STARD13: variants seen among roughly 807,000 people sequenced by gnomAD.
STARD13 encodes StAR related lipid transfer domain containing 13.
A neutral mutation model predicts 106.4 loss-of-function variants in STARD13; 62 were observed. The observed-to-expected ratio is 0.58, with a 90% CI of 0.48 to 0.72. The LOEUF (loss-of-function observed/expected upper bound fraction) is 0.72, where lower values mean the gene tolerates loss of function less well. STARD13 is among the 30% of genes least tolerant of loss of function. The pLI is 0.00. For synonymous variants in STARD13, 565 were observed against 553.0 expected, an observed-to-expected ratio of 1.02 and a Z score of -0.31; for missense variants, 1,387 against 1,424.0, an observed-to-expected ratio of 0.97 and a Z score of 0.42.
At chr13:33,277,540 C>T (rs1170240479) in intron 1 of STARD13, 1 of 152,184 alleles carries the variant, frequency 6.6e-6, no homozygotes, top group Admixed American at 6.6e-5. Context: ...TATCCCATGT[C>T]ACCCACGGCA....
At chr13:33,537,492 C>T in the STARD13 span, among the ~76,000 whole-genome samples, 2 of 152,142 alleles carry the variant, frequency 1.3e-5, no homozygotes, top group South Asian at 2.1e-4. Context: ...AACTGAGGCT[C>T]AGAAAAGTTA....
At chr13:33,352,067 A>G (rs1250182916), upstream of STARD13, among the ~76,000 whole-genome samples, 2 of 152,244 alleles carry the variant, frequency 1.3e-5, no homozygotes, top group East Asian at 3.8e-4. Flanking sequence ...AAGTAATGAG[A>G]TACTTTTTTT....
At chr13:33,221,443 T>C (rs561628740) in intron 1 of STARD13, among the ~76,000 whole-genome samples, 24 of 152,338 alleles carry the variant, frequency 1.6e-4, no homozygotes, top group Admixed American at 1.4e-3. Flanking sequence ...TCATAAACTT[T>C]TGCAACTTAT....
At chr13:33,333,352 C>T (rs2077859312) in intron 1 of STARD13, among the ~76,000 whole-genome samples, 1 of 152,210 alleles carries the variant, frequency 6.6e-6, no homozygotes, top group Non-Finnish European at 1.5e-5. Context: ...CATGCCACTG[C>T]ACTCCAGCTT....
the STARD13 span, among the ~76,000 whole-genome samples, chr13:33,516,859 T>A: frequency 2.0e-5 from 3 of 151,436 alleles, no homozygotes; most frequent in Non-Finnish European, 4.4e-5. Context: ...AAGGATCACT[T>A]GAGCCCAGCA....
chr13:33,262,456 G>A (rs570332079), intron 1 of STARD13, among the ~76,000 whole-genome samples: 2 of 152,232 alleles, frequency 1.3e-5, no homozygotes, highest in African/African-American at 4.8e-5. Flanking sequence ...GGCTCTAAGG[G>A]GATAATGAGT....
chr13:33,670,161 C>T, the STARD13 span, among the ~76,000 whole-genome samples: 64 of 152,228 alleles, frequency 4.2e-4, no homozygotes, highest in African/African-American at 1.2e-3. Flanking sequence ...GATGAGACTA[C>T]GATACAGGCT....
the STARD13 span, among the ~76,000 whole-genome samples, chr13:33,634,805 G>A: frequency 6.6e-6 from 1 of 152,120 alleles, no homozygotes; most frequent in African/African-American, 2.4e-5. Flanking sequence ...ACATTCACTG[G>A]CCTCCAGGGA....
At chr13:33,395,029 A>G in the STARD13 span, among the ~76,000 whole-genome samples, 1 of 152,212 alleles carries the variant, frequency 6.6e-6, no homozygotes, top group Admixed American at 6.5e-5. Context: ...GGACTCAGGG[A>G]GCCATCAGAA....
At chr13:33,304,417 T>C (rs1892829280) in intron 1 of STARD13, among the ~76,000 whole-genome samples, 1 of 152,314 alleles carries the variant, frequency 6.6e-6, no homozygotes, top group South Asian at 2.1e-4. Flanking sequence ...ATTAATTTCA[T>C]ATAATTAAAT....
Position 33,110,768 on chromosome 13 carries a change from C to A in STARD13, c.2747G>T (p.Gly916Val). 1 of 1,614,208 alleles carries A rather than the reference C, an allele frequency of 6.2e-7. No homozygotes were observed. Among genetic ancestry groups the A allele is most frequent in the Non-Finnish European group, 8.5e-7 (1 of 1,180,038 alleles). The change falls in exon 11 of 14, where the codon GGC becomes GTC. Residue 916 changes from glycine to valine, a missense_variant. Transcript: ENST00000336934. ...FHTYLNHLIQGLQKEAKEKFK... is the reference protein window; with the variant it reads ...FHTYLNHLIQVLQKEAKEKFK... ...CTTCTCCTTGGCTTCTTTCTGGAGG[C>A]CCTGGATGAGATGGTTCAGGTAAGT...
chr13:33,325,663 T>A (rs769190163), intron 1 of STARD13, among the ~76,000 whole-genome samples: 23 of 152,178 alleles, frequency 1.5e-4, no homozygotes, highest in Non-Finnish European at 3.2e-4. Flanking sequence ...AAAGTCATCT[T>A]GAGTCCTGTG....
chr13:33,559,672 A>T, the STARD13 span, among the ~76,000 whole-genome samples: 4 of 151,520 alleles, frequency 2.6e-5, no homozygotes, highest in Non-Finnish European at 5.9e-5. Flanking sequence ...TGGCCTGAAC[A>T]TAGTGAAACC....
At chr13:33,382,677 C>T in the STARD13 span, among the ~76,000 whole-genome samples, 1 of 152,146 alleles carries the variant, frequency 6.6e-6, no homozygotes. Flanking sequence ...TGGCTATAGC[C>T]TAGGCCTCAT....
chr13:33,633,732 A>G, the STARD13 span, among the ~76,000 whole-genome samples: 2 of 152,192 alleles, frequency 1.3e-5, no homozygotes, highest in Non-Finnish European at 2.9e-5. Context: ...GTGAAAGGCA[A>G]TTGCAGAATG....
chr13:33,161,382 T>G (rs1882608643), intron 3 of STARD13, among the ~76,000 whole-genome samples: 1 of 152,000 alleles, frequency 6.6e-6, no homozygotes, highest in Non-Finnish European at 1.5e-5. Context: ...TGGCACAACC[T>G]TGGCTCACTG....
At chr13:33,115,843 T>C (rs539779317) in intron 8 of STARD13, among the ~76,000 whole-genome samples, 2 of 152,350 alleles carry the variant, frequency 1.3e-5, no homozygotes, top group Admixed American at 1.3e-4. Context: ...GTGATAATTA[T>C]AAGTTGTGAC....
At chr13:33,335,138 A>G (rs116367097) in intron 1 of STARD13, 1 of 152,198 alleles carries the variant, frequency 6.6e-6, no homozygotes, top group Non-Finnish European at 1.5e-5. Context: ...GATGTTTCCT[A>G]TCCTCATTTG....
At chr13:33,450,642 AC>A in the STARD13 span, among the ~76,000 whole-genome samples, 1 of 152,202 alleles carries the variant, frequency 6.6e-6, no homozygotes, top group Admixed American at 6.5e-5. Context: ...TAGGATCATA[AC>A]TTTTTTGTTT....
Sources: gnomAD v4.1 joint callset for allele counts (sites outside exome capture counted in the v4.1 genomes callset) on GRCh38, gnomAD v4.1.1 for gene constraint, MANE v1.5 for transcripts, NCBI Gene and HGNC (gene_info 2026-07-23, HGNC 2026-07-21) for gene names.